Variants in TRIO observed in about 807,000 individuals in gnomAD.
TRIO encodes trio Rho guanine nucleotide exchange factor, also known as triple functional domain protein.
In TRIO, 58 loss-of-function variants were observed where a neutral mutation model predicts 351.9. That is an observed-to-expected ratio of 0.16 (90% confidence interval 0.13 to 0.21). TRIO has a LOEUF of 0.21. Ranked by LOEUF, TRIO falls within the 10% of genes least tolerant of loss-of-function variation. The pLI, the probability that TRIO is intolerant of heterozygous loss-of-function variation, is 1.00. For missense variants in TRIO, 3,201 were observed against 4,027.8 expected (o/e 0.79, Z 5.56); for synonymous variants, 1,758 against 1,595.7 (o/e 1.10, Z -2.42).
chr5:14,406,255 G>T, intron 32 of TRIO: 1 of 575,144 alleles, frequency 1.7e-6, no homozygotes, highest in Non-Finnish European at 3.1e-6. Context: ...CAGGGCACAT[G>T]TCTAACTCAT....
chr5:14,475,055 C>G (rs1169564209), intron 40 of TRIO, among the ~76,000 whole-genome samples: 1 of 152,196 alleles, frequency 6.6e-6, no homozygotes, highest in Non-Finnish European at 1.5e-5. Context: ...CACACCTATC[C>G]TAATCAGGAG....
intron 34 of TRIO, among the ~76,000 whole-genome samples, chr5:14,457,764 CTGCCCTGCA>C: frequency 6.6e-6 from 1 of 152,244 alleles, no homozygotes; most frequent in East Asian, 1.9e-4. Flanking sequence ...GCGTCCCTGC[CTGCCCTGCA>C]TGCCCTTTTC....
chr5:14,229,816 T>C (rs746328212), intron 1 of TRIO, among the ~76,000 whole-genome samples: 4 of 152,194 alleles, frequency 2.6e-5, no homozygotes, highest in East Asian at 3.8e-4. Flanking sequence ...TAAATACTTA[T>C]TTAAATGTAG....
chr5:14,201,010 C>T (rs946006483), intron 1 of TRIO, among the ~76,000 whole-genome samples: 3 of 152,068 alleles, frequency 2.0e-5, no homozygotes, highest in Non-Finnish European at 4.4e-5. Flanking sequence ...TGTAACCCAG[C>T]ACTTTGGGAG....
chr5:14,280,422 A>C lies in TRIO; in HGVS notation c.333A>C (p.Leu111=). The part of the protein sequence containing the change: ...QEDLRRLISY[L]ACIPSEEVCK... ...ATCTCAGGAGACTCATTTCCTATCT[A>C]GCCTGTATTCCCAGGTAAGTTCTGT... is the stretch of plus-strand genomic sequence containing the variant. Residue 111 remains leucine (L), a synonymous_variant, in exon 3 of 57, where the codon CTA becomes CTC. Transcript: ENST00000344204. 1 of 1,614,098 alleles carries C rather than the reference A, an allele frequency of 6.2e-7. No individual in the cohort carries two copies. The highest frequency in any genetic ancestry group is 8.5e-7 in the Non-Finnish European group (1 of 1,179,946).
chr5:14,428,227 C>T (rs549821597), intron 34 of TRIO, among the ~76,000 whole-genome samples: 39 of 152,192 alleles, frequency 2.6e-4, no homozygotes, highest in Non-Finnish European at 4.4e-4. Context: ...AAAGTTTAGT[C>T]GAAAATATCG....
chr5:14,183,367 T>A (rs1489623576), intron 1 of TRIO, among the ~76,000 whole-genome samples: 2 of 152,128 alleles, frequency 1.3e-5, no homozygotes, highest in Non-Finnish European at 2.9e-5. Flanking sequence ...ATAGTAAGTA[T>A]GCAGTAAACA....
intron 1 of TRIO, among the ~76,000 whole-genome samples, chr5:14,229,503 G>A (rs1793270947): frequency 6.6e-6 from 1 of 152,226 alleles, no homozygotes; most frequent in Admixed American, 6.5e-5. Context: ...GCAGTCTCTA[G>A]AATCTGTCCT....
intron 1 of TRIO, among the ~76,000 whole-genome samples, chr5:14,144,600 G>A (rs1179814147): frequency 6.6e-6 from 1 of 152,022 alleles, no homozygotes. Context: ...GCGGCGCGGG[G>A]CTGGGGCTCG....
intron 31 of TRIO, among the ~76,000 whole-genome samples, chr5:14,403,874 A>G (rs1219124865): frequency 9.9e-5 from 4 of 40,512 alleles, no homozygotes; most frequent in Admixed American, 2.5e-4. Flanking sequence ...GGTGGTGGTG[A>G]GGGTGCAGGT....
At chr5:14,474,359 C>T (rs1201857768) in intron 40 of TRIO, among the ~76,000 whole-genome samples, 1 of 152,194 alleles carries the variant, frequency 6.6e-6, no homozygotes, top group Non-Finnish European at 1.5e-5. Flanking sequence ...AGCGTGGAGC[C>T]AGCTGCCGGA....
intron 8 of TRIO, among the ~76,000 whole-genome samples, chr5:14,309,384 A>G (rs1400685683): frequency 6.6e-6 from 1 of 152,168 alleles, no homozygotes; most frequent in Non-Finnish European, 1.5e-5. Context: ...TTAACCTGGC[A>G]CAGGGACACC....
At chr5:14,488,282 C>G in intron 48 of TRIO, 22 bp downstream of exon 48, 1 of 1,528,828 alleles carries the variant, frequency 6.5e-7, no homozygotes, top group Non-Finnish European at 8.8e-7. Flanking sequence ...GGGGGGCCCG[C>G]GCCCTCCCGC....
intron 34 of TRIO, among the ~76,000 whole-genome samples, chr5:14,435,656 C>A (rs1751523172): frequency 6.6e-6 from 1 of 152,316 alleles, no homozygotes; most frequent in Admixed American, 6.5e-5. Flanking sequence ...TAAGAGCTGT[C>A]CCTCTGCCAT....
At chr5:14,257,266 G>A (rs1021218161) in intron 1 of TRIO, among the ~76,000 whole-genome samples, 4 of 152,224 alleles carry the variant, frequency 2.6e-5, no homozygotes, top group Non-Finnish European at 5.9e-5. Flanking sequence ...GGGTGAGGCC[G>A]CAGCTGCAAA....
intron 34 of TRIO, among the ~76,000 whole-genome samples, chr5:14,424,665 G>C (rs1750489249): frequency 6.6e-6 from 1 of 152,212 alleles, no homozygotes; most frequent in Admixed American, 6.5e-5. Context: ...TCTCAGGCTT[G>C]ACCAGACTGG....
intron 37 of TRIO, among the ~76,000 whole-genome samples, chr5:14,467,868 T>C (rs1444750156): frequency 6.6e-6 from 1 of 152,208 alleles, no homozygotes; most frequent in Non-Finnish European, 1.5e-5. Context: ...TTCAGCTACA[T>C]CCTTGGTATC....
Position 14,442,352 on chromosome 5 carries a change from T to C in TRIO, c.5204-18667T>C, listed in dbSNP as rs1054648345. On this transcript the variant is annotated intron_variant, in intron 34 of 56. Coordinates refer to ENST00000344204, the MANE Select transcript of TRIO (RefSeq NM_007118.4). ...ATTAAGAGCTCTATGGAGAAGGGTCTTTCGGGGTGCAGGGATCCCCCAAAG... is the reference window on the plus strand; with the variant it reads ...ATTAAGAGCTCTATGGAGAAGGGTCCTTCGGGGTGCAGGGATCCCCCAAAG... 2.0e-5 allele frequency among the ~76,000 whole-genome samples: 3 copies of C among 152,128 alleles called. No homozygotes were observed. The South Asian group carries it at 6.2e-4, about 31-fold the overall frequency.
chr5:14,251,439 A>G (rs1024507305), intron 1 of TRIO, among the ~76,000 whole-genome samples: 2 of 152,210 alleles, frequency 1.3e-5, no homozygotes, highest in Non-Finnish European at 2.9e-5. Context: ...TTAAACTACC[A>G]TGGTCTTTGG....
Sources: gnomAD v4.1 joint callset for allele counts (sites outside exome capture counted in the v4.1 genomes callset) on GRCh38, gnomAD v4.1.1 for gene constraint, MANE v1.5 for transcripts, NCBI Gene and HGNC (gene_info 2026-07-23, HGNC 2026-07-21) for gene names.